The following TEX15 variants were observed in gnomAD, a reference collection of about 807,000 sequenced individuals.
TEX15 encodes the protein testis expressed 15, meiosis and synapsis associated, also known as testis-expressed protein 15.
Under a neutral mutation model 237.3 loss-of-function variants are expected in TEX15, and 171 were observed. The ratio of observed to expected loss-of-function variants is 0.72; its 90% CI spans 0.64 to 0.82. TEX15 has a LOEUF of 0.82. TEX15 is among the 40% of genes least tolerant of loss of function. The pLI is 0.00. For synonymous variants in TEX15, 1,338 were observed against 1,269.8 expected, an observed-to-expected ratio of 1.05 and a Z score of -1.14; for missense variants, 3,750 against 3,646.5, an observed-to-expected ratio of 1.03 and a Z score of -0.73.
chr8:30,869,466 A>G (rs2128772193), intron 4 of TEX15, among the ~76,000 whole-genome samples: 1 of 152,156 alleles, frequency 6.6e-6, no homozygotes, highest in Non-Finnish European at 1.5e-5. Context: ...GGCCAAATGA[A>G]GTTTATACAC....
intron 9 of TEX15, among the ~76,000 whole-genome samples, chr8:30,839,702 C>T (rs1261940456): frequency 2.0e-5 from 3 of 152,182 alleles, no homozygotes; most frequent in Non-Finnish European, 4.4e-5. Context: ...TTAATACTTA[C>T]AGAATGAAGT....
At chr8:30,872,285 A>G (rs1808306569) in intron 4 of TEX15, among the ~76,000 whole-genome samples, 1 of 152,160 alleles carries the variant, frequency 6.6e-6, no homozygotes, top group Admixed American at 6.6e-5. Context: ...TAAGATTATA[A>G]TGGAGCTGAA....
chr8:30,856,264 T>G (rs1050027244), intron 7 of TEX15, among the ~76,000 whole-genome samples: 1 of 151,766 alleles, frequency 6.6e-6, no homozygotes, highest in Non-Finnish European at 1.5e-5. Context: ...CTTTAAAATG[T>G]GAGCTTCGGC....
chr8:30,865,056 A>C (rs1472677030), intron 5 of TEX15, among the ~76,000 whole-genome samples: 1 of 152,132 alleles, frequency 6.6e-6, no homozygotes, highest in Admixed American at 6.5e-5. Flanking sequence ...TTTTAAAAAA[A>C]CAAAATATAC....
At position 30,837,296 on chromosome 8, in the gene TEX15, A is replaced by G. The variant is rs770165152; in HGVS notation, c.8988T>C (p.Leu2996=). The change falls in exon 10 of 11, where the codon CTT becomes CTC. Residue 2996 remains leucine, a synonymous_variant. Coordinates refer to ENST00000643185, the MANE Select transcript of TEX15 (RefSeq NM_001350162.2). ...LNVNQGAEYS[L]SEQQNDKNSK... The stretch of plus-strand genomic sequence containing the variant: ...AATTTTTGTCATTCTGTTGTTCAGA[A>G]AGAGAGTACTCTGCTCCTTGATTCA... The G allele has an allele frequency of 5.0e-6, 8 of 1,614,052 alleles. No individual in the cohort carries two copies. Among genetic ancestry groups the G allele is most frequent in the South Asian group, 2.2e-5 (2 of 91,088 alleles).
Position 30,867,387 on chromosome 8 carries a change from C to A in TEX15, c.418G>T (p.Ala140Ser). ...TTTCCTAGTATCTTCAATGTAGATGCTCTGGTACTTATTCCATTCTGATAT... is the reference window on the plus strand; with the variant it reads ...TTTCCTAGTATCTTCAATGTAGATGATCTGGTACTTATTCCATTCTGATAT... ...QIYQNGISTR[A>S]STLKILGNPL... The change falls in exon 5 of 11, where the codon GCA becomes TCA. Residue 140 changes from alanine (A) to serine (S), a missense_variant. Coordinates refer to ENST00000643185, the MANE Select transcript of TEX15 (RefSeq NM_001350162.2). The A allele has an allele frequency of 6.5e-7, 1 of 1,532,262 alleles. No individual in the cohort carries two copies. 94.9% of individuals were successfully genotyped at this position (1,532,262 alleles called of 1,614,324 possible).
chr8:30,897,338 G>C (rs1409425044), intron 2 of TEX15, among the ~76,000 whole-genome samples: 1 of 151,980 alleles, frequency 6.6e-6, no homozygotes, highest in Non-Finnish European at 1.5e-5. Flanking sequence ...CCACATATAG[G>C]CATATGCAAG....
In TEX15 at chr8:30,837,066, G is replaced by T. The variant is rs775643777; in HGVS notation, c.9218C>A (p.Pro3073His). The change falls in exon 10 of 11, where the codon CCT (proline) becomes CAT (histidine). Residue 3073 changes from proline (P) to histidine (H), a missense_variant. By Grantham distance (77) the Pro-to-His change is moderately conservative. Transcript: ENST00000643185. ...GITSYEVQPS[P>H]SGLLTTVAST... ...TGCAACTGTGGTCAACAGCCCAGAA[G>T]GAGATGGCTGTACTTCATATGATGT... The T allele has an allele frequency of 2.2e-5, 35 of 1,614,048 alleles. No individual in the cohort carries two copies. The East Asian group carries it at 7.6e-4, about 35-fold the overall frequency.
intron 4 of TEX15, 21 bp from the exon 5 acceptor site, chr8:30,867,523 T>C (rs1808199726): frequency 1.4e-6 from 2 of 1,401,732 alleles, no homozygotes; most frequent in Non-Finnish European, 1.9e-6. Flanking sequence ...ACAAACAATG[T>C]ATACAGTTAA....
In TEX15 at chr8:30,842,635, A is replaced by G. The variant is rs142437871; in HGVS notation, c.7532T>C (p.Ile2511Thr). 2.5e-5 allele frequency: 41 copies of G among 1,611,906 alleles called. No individual in the cohort carries two copies. The highest frequency in any genetic ancestry group is 3.4e-5 in the Non-Finnish European group (40 of 1,179,856). ...NSTDVCLWKVIETAVSELKKD... is the reference protein window; with the variant it reads ...NSTDVCLWKVTETAVSELKKD... Reference sequence around the variant, plus strand: ...CTTAAGTTCGGAAACAGCAGTCTCTATCACTTTCCAAAGGCAAACATCTGT... The same window carrying G: ...CTTAAGTTCGGAAACAGCAGTCTCTGTCACTTTCCAAAGGCAAACATCTGT... Residue 2511 changes from isoleucine (I) to threonine (T), a missense_variant, in exon 8 of 11, where the codon ATA (isoleucine) becomes ACA (threonine). Ile to Thr is a moderately conservative substitution (Grantham distance 89). Transcript: ENST00000643185.
intron 7 of TEX15, among the ~76,000 whole-genome samples, chr8:30,853,713 T>C (rs948452585): frequency 1.3e-5 from 2 of 152,178 alleles, no homozygotes; most frequent in Non-Finnish European, 2.9e-5. Flanking sequence ...GACTACTGTA[T>C]ATTCTTTTCA....
Position 30,847,881 on chromosome 8 carries a change from A to T in TEX15, c.2286T>A (p.Thr762=). 1 of 1,613,922 alleles carries T rather than the reference A, an allele frequency of 6.2e-7. No homozygotes were observed. The highest frequency in any genetic ancestry group is 8.5e-7 in the Non-Finnish European group (1 of 1,179,940). The part of the protein sequence containing the change: ...KINQNYASII[T]EAFPKPKDIP... ...TGTCTTTTGGTTTCGGGAAAGCTTC[A>T]GTTATAATGCTAGCATAATTTTGAT... The change falls in exon 8 of 11, where the codon ACT becomes ACA. Residue 762 remains threonine (T), a synonymous_variant. Coordinates refer to ENST00000643185, the MANE Select transcript of TEX15 (RefSeq NM_001350162.2).
chr8:30,858,661 A>G lies in TEX15; in HGVS notation c.850+7T>C. 6.5e-7 allele frequency: 1 copy of G among 1,527,608 alleles called. No individual in the cohort carries two copies. The highest frequency in any genetic ancestry group is 8.8e-7 in the Non-Finnish European group (1 of 1,142,750). The allele number at this position is 1,527,608 out of a possible 1,614,324, so 94.6% of individuals were successfully genotyped here. A position where few individuals can be genotyped will look rare whatever the true frequency, so the allele number is the denominator to read the frequency against. ...ATTAATCAAGTACAATCATATGTGT[A>G]TCTTACCAGCTCTCTTAGGAAATCC... On this transcript the variant is annotated splice_region_variant and intron_variant, in intron 7 of 10. Transcript: ENST00000643185.
rs548042267 is a variant in TEX15, at chr8:30,866,528, T to C, written c.540+737A>G. 2.6e-5 allele frequency among the ~76,000 whole-genome samples: 4 copies of C among 152,274 alleles called. No individual in the cohort carries two copies. In the South Asian group the frequency reaches 6.2e-4, roughly 24 times the overall value. On this transcript the variant is annotated intron_variant, in intron 5 of 10. Coordinates refer to ENST00000643185, the MANE Select transcript of TEX15 (RefSeq NM_001350162.2). ...AAGCACACTTTATATCATCTTGATA[T>C]CTCATTTTTTAAAAATTTAAAAAGT...
chr8:30,893,631 G>A (rs1808838146), intron 2 of TEX15, among the ~76,000 whole-genome samples: 1 of 152,012 alleles, frequency 6.6e-6, no homozygotes, highest in South Asian at 2.1e-4. Context: ...TAATTTTCCT[G>A]GGTAGAAAAT....
At position 30,844,120 on chromosome 8, in the gene TEX15, A is replaced by G; in HGVS notation, c.6047T>C (p.Leu2016Pro). ...TAGACAAACCTTAGTTTCTTCCTGTAGAATCTGCAAAGATGATGCTTCATC... is the reference window on the plus strand; with the variant it reads ...TAGACAAACCTTAGTTTCTTCCTGTGGAATCTGCAAAGATGATGCTTCATC... ...RADEASSLQI[L>P]QEETKVCLNI... Residue 2016 changes from leucine (L) to proline (P), a missense_variant, in exon 8 of 11, where the codon CTA becomes CCA. Coordinates refer to ENST00000643185, the MANE Select transcript of TEX15 (RefSeq NM_001350162.2). 6.2e-7 allele frequency: 1 copy of G among 1,613,380 alleles called. No individual in the cohort carries two copies. The highest frequency in any genetic ancestry group is 8.5e-7 in the Non-Finnish European group (1 of 1,179,590).
intron 1 of TEX15, among the ~76,000 whole-genome samples, chr8:30,903,529 T>G (rs1809043723): frequency 6.6e-6 from 1 of 152,224 alleles, no homozygotes; most frequent in African/African-American, 2.4e-5. Context: ...TCCTAGTCCT[T>G]CCTTCAGCTT....
In TEX15 at chr8:30,846,169, T is replaced by G. The variant is rs1807599879; in HGVS notation, c.3998A>C (p.Gln1333Pro). The G allele has an allele frequency of 3.7e-6, 6 of 1,613,452 alleles. No individual in the cohort carries two copies. The highest frequency in any genetic ancestry group is 1.3e-5 in the African/African-American group (1 of 75,016). The part of the protein sequence containing the change: ...IYGRKRRLTS[Q>P]DSSECFSSLS... Reference sequence around the variant, plus strand: ...TGAAGAGAAACACTCAGATGAGTCTTGACTGGTTAGCCTCCTCTTTCTCCC... The same window carrying G: ...TGAAGAGAAACACTCAGATGAGTCTGGACTGGTTAGCCTCCTCTTTCTCCC... Residue 1333 changes from glutamine (Q) to proline (P), a missense_variant, in exon 8 of 11, where the codon CAA becomes CCA. Physicochemically the swap from Gln to Pro is moderately conservative, Grantham distance 76. Coordinates refer to ENST00000643185, the MANE Select transcript of TEX15 (RefSeq NM_001350162.2).
rs1310908916 is a variant in TEX15, at chr8:30,842,281, T to C, written c.7886A>G (p.Asn2629Ser). The stretch of plus-strand genomic sequence containing the variant: ...GAAAAAGGAAATGGTTAGTTCAGCA[T>C]TTTTAGTACATATCATCTTCATATG... ...IEHMKMICTK[N>S]AELTISFFLC... The change falls in exon 8 of 11, where the codon AAT (asparagine) becomes AGT (serine). Residue 2629 changes from asparagine to serine, a missense_variant. By Grantham distance (46) the Asn-to-Ser change is conservative. Coordinates refer to ENST00000643185, the MANE Select transcript of TEX15 (RefSeq NM_001350162.2). 3.7e-6 allele frequency: 6 copies of C among 1,613,696 alleles called. No individual in the cohort carries two copies. Among genetic ancestry groups the C allele is most frequent in the African/African-American group, 1.3e-5 (1 of 74,922 alleles).
Sources: gnomAD v4.1 joint callset for allele counts (sites outside exome capture counted in the v4.1 genomes callset) on GRCh38, gnomAD v4.1.1 for gene constraint, MANE v1.5 for transcripts, NCBI Gene and HGNC (gene_info 2026-07-23, HGNC 2026-07-21) for gene names.